The following LHFPL2 variants were observed in gnomAD, a reference collection of about 807,000 sequenced individuals.
LHFPL2 encodes LHFPL tetraspan subfamily member 2, also known as LHFPL tetraspan subfamily member 2 protein.
LHFPL2 carries 7 observed loss-of-function variants against 17.5 expected under a neutral mutation model. That is an observed-to-expected ratio of 0.40 (90% confidence interval 0.23 to 0.75). The LOEUF is 0.75. Ranked by LOEUF, LHFPL2 falls within the 30% of genes least tolerant of loss-of-function variation. The pLI, the probability that LHFPL2 is intolerant of heterozygous loss-of-function variation, is 0.37. For missense variants in LHFPL2, 241 were observed against 294.8 expected, an observed-to-expected ratio of 0.82 and a Z score of 1.34; for synonymous variants, 134 against 116.2, an observed-to-expected ratio of 1.15 and a Z score of -0.99.
intron 3 of LHFPL2, among the ~76,000 whole-genome samples, chr5:78,522,954 C>T (rs1015596097): frequency 2.0e-5 from 3 of 152,102 alleles, no homozygotes; most frequent in Non-Finnish European, 4.4e-5. Flanking sequence ...AAAAGGTTGA[C>T]GTTTTTCTGC....
intron 2 of LHFPL2, among the ~76,000 whole-genome samples, chr5:78,616,456 G>A (rs748537852): frequency 7.9e-5 from 12 of 151,968 alleles, no homozygotes; most frequent in Non-Finnish European, 1.8e-4. Context: ...TGACCACCCC[G>A]ACTATGGATT....
intron 3 of LHFPL2, among the ~76,000 whole-genome samples, chr5:78,515,029 T>G (rs747063239): frequency 2.8e-4 from 43 of 152,312 alleles, no homozygotes; most frequent in Non-Finnish European, 4.9e-4. Context: ...CCCTAAATAC[T>G]TTAGCATACA....
intron 2 of LHFPL2, among the ~76,000 whole-genome samples, chr5:78,589,467 CAA>C (rs35349495): frequency 5.3e-5 from 7 of 131,518 alleles, no homozygotes; most frequent in Admixed American, 1.6e-4. Flanking sequence ...AACTCCATCT[CAA>C]AAAAAAAAAA....
intron 1 of LHFPL2, among the ~76,000 whole-genome samples, chr5:78,635,584 C>T (rs553553163): frequency 6.6e-6 from 1 of 152,312 alleles, no homozygotes; most frequent in East Asian, 1.9e-4. Flanking sequence ...GGGCGGACCA[C>T]GAGGTCAGGA....
chr5:78,620,969 CT>C (rs34853039), intron 2 of LHFPL2, among the ~76,000 whole-genome samples: 55,901 of 141,530 alleles, frequency 0.39, 10,394 homozygotes, highest in Middle Eastern at 0.45. Context: ...TCTCAAACTC[CT>C]TTTTTTTTTT....
intron 2 of LHFPL2, among the ~76,000 whole-genome samples, chr5:78,596,177 A>G (rs1743818444): frequency 6.6e-6 from 1 of 152,210 alleles, no homozygotes; most frequent in African/African-American, 2.4e-5. Context: ...CCTTCACAAT[A>G]TCATTATAAT....
chr5:78,603,891 G>A (rs749294400), intron 2 of LHFPL2, among the ~76,000 whole-genome samples: 23 of 152,170 alleles, frequency 1.5e-4, no homozygotes, highest in Non-Finnish European at 3.2e-4. Flanking sequence ...GAAGCAGAAT[G>A]TGGGCCAGGT....
At chr5:78,520,835 C>CA (rs1249438356) in intron 3 of LHFPL2, among the ~76,000 whole-genome samples, 6 of 152,306 alleles carry the variant, frequency 3.9e-5, no homozygotes, top group African/African-American at 1.4e-4. Context: ...TGAGGCCCCC[C>CA]TGCCCCGGGC....
intron 3 of LHFPL2, among the ~76,000 whole-genome samples, chr5:78,511,106 A>G (rs35940511): frequency 0.1 from 2,866 of 27,908 alleles, 80 homozygotes; most frequent in African/African-American, 0.25. Flanking sequence ...CTCAGAGGGG[A>G]AAAAAAAAAA....
chr5:78,636,860 A>G (rs1409280700), intron 1 of LHFPL2, among the ~76,000 whole-genome samples: 4 of 152,112 alleles, frequency 2.6e-5, no homozygotes, highest in Admixed American at 2.6e-4. Flanking sequence ...CCAAGATAAG[A>G]GCCTCTCTGT....
intron 3 of LHFPL2, among the ~76,000 whole-genome samples, chr5:78,524,607 T>G (rs1166187705): frequency 6.6e-6 from 1 of 152,032 alleles, no homozygotes; most frequent in East Asian, 1.9e-4. Context: ...CCAGGTGTGG[T>G]GGCGGGCGCC....
At chr5:78,551,200 G>GA (rs1277218166) in intron 3 of LHFPL2, among the ~76,000 whole-genome samples, 9 of 152,192 alleles carry the variant, frequency 5.9e-5, no homozygotes, top group Admixed American at 1.3e-4. Flanking sequence ...AATTCCGTGG[G>GA]AAAAAACACC....
intron 4 of LHFPL2, among the ~76,000 whole-genome samples, chr5:78,496,092 C>T (rs1754598820): frequency 6.6e-6 from 1 of 152,186 alleles, no homozygotes; most frequent in South Asian, 2.1e-4. Flanking sequence ...AACGTACATC[C>T]CTCTTGAGCT....
chr5:78,623,490 T>C (rs1057207867), intron 2 of LHFPL2, among the ~76,000 whole-genome samples: 2 of 152,200 alleles, frequency 1.3e-5, no homozygotes, highest in Non-Finnish European at 2.9e-5. Context: ...GAGAGAACTA[T>C]TGCATTGAAA....
At chr5:78,542,651 C>T (rs1756148165) in intron 3 of LHFPL2, among the ~76,000 whole-genome samples, 1 of 152,320 alleles carries the variant, frequency 6.6e-6, no homozygotes, top group Middle Eastern at 3.4e-3. Context: ...CCACCTCTTC[C>T]AGGGAAGCCT....
intron 2 of LHFPL2, among the ~76,000 whole-genome samples, chr5:78,618,440 G>A (rs1561367572): frequency 1.3e-5 from 2 of 152,214 alleles, no homozygotes; most frequent in South Asian, 2.1e-4. Flanking sequence ...GCATTCGGCC[G>A]GTGGACGGGC....
intron 1 of LHFPL2, among the ~76,000 whole-genome samples, chr5:78,635,760 G>A (rs531645428): frequency 3.3e-5 from 5 of 152,252 alleles, no homozygotes; most frequent in African/African-American, 9.6e-5. Flanking sequence ...CCGAGATCGC[G>A]CCACTGCACT....
intron 2 of LHFPL2, among the ~76,000 whole-genome samples, chr5:78,576,043 C>T (rs2112433576): frequency 6.6e-6 from 1 of 152,320 alleles, no homozygotes; most frequent in South Asian, 2.1e-4. Context: ...CGCCTGTAAT[C>T]CCAGCACTTT....
At chr5:78,491,243 A>G (rs1278368104) in intron 4 of LHFPL2, 1 of 152,112 alleles carries the variant, frequency 6.6e-6, no homozygotes, top group Non-Finnish European at 1.5e-5. Flanking sequence ...ATCAATTCAG[A>G]TGCTCATTGT....
Sources: gnomAD v4.1 joint callset for allele counts (sites outside exome capture counted in the v4.1 genomes callset) on GRCh38, gnomAD v4.1.1 for gene constraint, MANE v1.5 for transcripts, NCBI Gene and HGNC (gene_info 2026-07-23, HGNC 2026-07-21) for gene names.